The following UVRAG variants were observed in gnomAD, a reference collection of about 807,000 sequenced individuals.
UVRAG encodes the protein UV radiation resistance-associated gene protein.
Under a neutral mutation model 78.0 loss-of-function variants are expected in UVRAG, and 19 were observed. The ratio of observed to expected loss-of-function variants is 0.24; its 90% CI spans 0.17 to 0.36. The LOEUF is 0.36. UVRAG is among the 10% of genes least tolerant of loss of function. The pLI is 1.00. For synonymous variants in UVRAG, 323 were observed against 324.6 expected (o/e 1.00, Z 0.05); for missense variants, 740 against 853.8 (o/e 0.87, Z 1.66).
At chr11:75,898,827 A>G (rs989570174) in intron 5 of UVRAG, among the ~76,000 whole-genome samples, 3 of 152,168 alleles carry the variant, frequency 2.0e-5, no homozygotes, top group Non-Finnish European at 2.9e-5. Context: ...ATTTCCATGT[A>G]GTTAACTTTG....
chr11:75,909,450 C>T (rs1247639287), intron 5 of UVRAG, among the ~76,000 whole-genome samples: 1 of 152,004 alleles, frequency 6.6e-6, no homozygotes, highest in East Asian at 1.9e-4. Context: ...TGCTACTACT[C>T]TCCAGCCTGG....
intron 1 of UVRAG, among the ~76,000 whole-genome samples, chr11:75,837,852 A>G (rs1383504729): frequency 6.6e-6 from 1 of 152,224 alleles, no homozygotes; most frequent in South Asian, 2.1e-4. Flanking sequence ...ATACCTATTA[A>G]AAAGTTTTAA....
At chr11:76,135,295 C>A (rs775051009) in intron 14 of UVRAG, among the ~76,000 whole-genome samples, 2 of 152,136 alleles carry the variant, frequency 1.3e-5, no homozygotes, top group African/African-American at 4.8e-5. Context: ...GCCACTGTCT[C>A]TAGAGCTGAA....
chr11:75,911,911 A>G (rs1565376103), intron 5 of UVRAG, 43 bp from the exon 6 acceptor site: 2 of 1,279,098 alleles, frequency 1.6e-6, no homozygotes, highest in Non-Finnish European at 1.1e-6. Flanking sequence ...CATATATTTT[A>G]TTTTGTTTGG....
chr11:76,140,730 AGT>A lies in UVRAG; in HGVS notation c.1419_1420del (p.Ala474AsnfsTer5). The A allele has an allele frequency of 6.3e-7, 1 of 1,593,116 alleles. No homozygotes were observed. Among genetic ancestry groups the A allele is most frequent in the Non-Finnish European group, 8.5e-7 (1 of 1,171,584 alleles). ...TTCTAGTGACAGACATCACACCTCC[AGT>A]GCAATCCCTGTTCCTAAGAGACAAA... Reference protein sequence around the residue: ...MVRCDRHHTSSAIPVPKRQSS... With the variant: ...MVRCDRHHTSXAIPVPKRQSS... On this transcript the variant is annotated frameshift_variant, in exon 15 of 15. Coordinates refer to ENST00000356136, the MANE Select transcript of UVRAG (RefSeq NM_003369.4). LOFTEE classifies it high-confidence loss of function.
At chr11:76,037,405 A>G (rs1422133537) in intron 12 of UVRAG, among the ~76,000 whole-genome samples, 1 of 152,156 alleles carries the variant, frequency 6.6e-6, no homozygotes, top group Non-Finnish European at 1.5e-5. Context: ...CGTTTTGATT[A>G]GGAACATACA....
At chr11:75,925,199 G>A (rs188037702) in intron 6 of UVRAG, among the ~76,000 whole-genome samples, 2 of 152,146 alleles carry the variant, frequency 1.3e-5, no homozygotes, top group Admixed American at 1.3e-4. Context: ...CATGTTCCAA[G>A]GCAGCATTCC....
At chr11:75,872,772 G>A (rs1456307634) in intron 3 of UVRAG, among the ~76,000 whole-genome samples, 1 of 152,160 alleles carries the variant, frequency 6.6e-6, no homozygotes, top group Non-Finnish European at 1.5e-5. Context: ...TTAGACAAGT[G>A]ACTTAATAAT....
chr11:76,017,475 AAC>A (rs948895447), intron 12 of UVRAG, among the ~76,000 whole-genome samples: 4 of 152,200 alleles, frequency 2.6e-5, no homozygotes, highest in African/African-American at 9.6e-5. Flanking sequence ...TTGTGAGGTA[AAC>A]ACAAAATTTT....
chr11:76,099,848 GTT>G (rs1173353417), intron 13 of UVRAG, among the ~76,000 whole-genome samples: 1 of 151,802 alleles, frequency 6.6e-6, no homozygotes, highest in Non-Finnish European at 1.5e-5. Context: ...TTTTCATTTG[GTT>G]TGCATGGACT....
chr11:76,078,464 A>G (rs762543651), intron 13 of UVRAG, among the ~76,000 whole-genome samples: 1 of 152,024 alleles, frequency 6.6e-6, no homozygotes, highest in Non-Finnish European at 1.5e-5. Context: ...AAATATATAT[A>G]TTATAAATGC....
intron 3 of UVRAG, among the ~76,000 whole-genome samples, chr11:75,875,600 C>CATCCATGT (rs1314377632): frequency 6.7e-6 from 1 of 149,652 alleles, no homozygotes; most frequent in African/African-American, 2.5e-5. Flanking sequence ...TTTACTCTGT[C>CATCCATGT]ATCCATGTTT....
At position 75,938,390 on chromosome 11, in the gene UVRAG, G is replaced by T. The variant is rs145305265; in HGVS notation, c.594-23054G>T. ...TTGGATTGTATTTTCCTACTTCTCT[G>T]CATATACAGTCATTTTTAATTGGAT... is the stretch of plus-strand genomic sequence containing the variant. On this transcript the variant is annotated intron_variant, in intron 6 of 14. Transcript: ENST00000356136. 4.0e-3 allele frequency among the ~76,000 whole-genome samples: 610 copies of T among 152,062 alleles called. 1 individual carries two copies. The highest frequency in any genetic ancestry group is 6.3e-3 in the Non-Finnish European group (427 of 67,968).
At chr11:76,134,437 C>T (rs1952566924) in intron 14 of UVRAG, among the ~76,000 whole-genome samples, 1 of 152,052 alleles carries the variant, frequency 6.6e-6, no homozygotes, top group South Asian at 2.1e-4. Context: ...CACTGTACTT[C>T]TTTATTTCCT....
intron 5 of UVRAG, among the ~76,000 whole-genome samples, chr11:75,910,899 A>C (rs867012860): frequency 5.9e-5 from 9 of 152,168 alleles, no homozygotes; most frequent in African/African-American, 2.2e-4. Flanking sequence ...TCCCCATAAA[A>C]ACATTACATA....
intron 5 of UVRAG, among the ~76,000 whole-genome samples, chr11:75,895,646 AAGGAAAAAAAAATAGAGATG>A (rs1341296807): frequency 6.7e-6 from 1 of 148,786 alleles, no homozygotes; most frequent in Admixed American, 6.6e-5. Flanking sequence ...TTTTTTTTTA[AAGGAAAAAAAAATAGAGATG>A]AGGTCTCACT....
intron 12 of UVRAG, among the ~76,000 whole-genome samples, chr11:76,059,511 C>T (rs1951042084): frequency 6.6e-6 from 1 of 152,172 alleles, no homozygotes; most frequent in African/African-American, 2.4e-5. Context: ...ACCCAGGCAA[C>T]ATTGGGTGAT....
intron 12 of UVRAG, among the ~76,000 whole-genome samples, chr11:76,057,232 T>C (rs1951001213): frequency 6.6e-6 from 1 of 152,176 alleles, no homozygotes; most frequent in Admixed American, 6.5e-5. Flanking sequence ...TTAGGATCAG[T>C]TGGCTATGGG....
Position 76,016,830 on chromosome 11 carries a change from G to T in UVRAG, c.1076G>T (p.Ser359Ile). 1 of 1,596,448 alleles carries T rather than the reference G, an allele frequency of 6.3e-7. No homozygotes were observed. The highest frequency in any genetic ancestry group is 8.5e-7 in the Non-Finnish European group (1 of 1,170,478). Residue 359 changes from serine (S) to isoleucine (I), a missense_variant, in exon 12 of 15, where the codon AGC becomes ATC. Transcript: ENST00000356136. ...SEDFQAKDDG[S>I]IAVALGYTAH... is the part of the protein sequence containing the mutation. Reference sequence around the variant, plus strand: ...GAATTTACAGCAAAAGATGATGGAAGCATTGCTGTTGCCCTTGGTTATACT... The same window carrying T: ...GAATTTACAGCAAAAGATGATGGAATCATTGCTGTTGCCCTTGGTTATACT...
Sources: allele counts gnomAD v4.1 joint callset (sites outside exome capture counted in the v4.1 genomes callset), GRCh38; gene constraint gnomAD v4.1.1; transcripts MANE v1.5; gene names NCBI Gene and HGNC (gene_info 2026-07-23, HGNC 2026-07-21).